CTNNA2: variants seen among roughly 807,000 people sequenced by gnomAD.
The protein encoded by CTNNA2 is catenin alpha 2.
CTNNA2 carries 42 observed loss-of-function variants against 101.0 expected under a neutral mutation model. The ratio of observed to expected loss-of-function variants is 0.42; its 90% CI spans 0.32 to 0.54. The LOEUF (loss-of-function observed/expected upper bound fraction) is 0.54, where lower values mean the gene tolerates loss of function less well. CTNNA2 is among the 20% of genes least tolerant of loss of function. CTNNA2 has a pLI of 0.14. For synonymous variants in CTNNA2, 450 were observed against 456.4 expected, an observed-to-expected ratio of 0.99 and a Z score of 0.18; for missense variants, 871 against 1,223.1, an observed-to-expected ratio of 0.71 and a Z score of 4.29.
chr2:80,387,089 C>T (rs1677078861), intron 7 of CTNNA2, among the ~76,000 whole-genome samples: 1 of 152,054 alleles, frequency 6.6e-6, no homozygotes, highest in African/African-American at 2.4e-5. Flanking sequence ...GAGATCAAGA[C>T]CATCTTGGCT....
At chr2:80,528,756 C>A (rs1359259194) in intron 9 of CTNNA2, among the ~76,000 whole-genome samples, 1 of 152,064 alleles carries the variant, frequency 6.6e-6, no homozygotes, top group African/African-American at 2.4e-5. Flanking sequence ...AAAGTAGACC[C>A]TTTGGGAGTT....
intron 2 of CTNNA2, among the ~76,000 whole-genome samples, chr2:79,294,894 A>G (rs1675938256): frequency 2.0e-5 from 3 of 151,856 alleles, no homozygotes; most frequent in Non-Finnish European, 4.4e-5. Flanking sequence ...ACTGATTTTG[A>G]TCTTATCTGC....
At chr2:79,811,098 G>A (rs201915914) in intron 3 of CTNNA2, among the ~76,000 whole-genome samples, 26,581 of 147,746 alleles carry the variant, frequency 0.18, 2,800 homozygotes, top group African/African-American at 0.3. Context: ...CTGAGGGATC[G>A]CCACACTGAC....
At chr2:79,865,971 G>C (rs1248570168) in intron 4 of CTNNA2, among the ~76,000 whole-genome samples, 4 of 152,114 alleles carry the variant, frequency 2.6e-5, no homozygotes, top group Non-Finnish European at 4.4e-5. Flanking sequence ...CGCCCGCCTC[G>C]GCCTCCCGAA....
chr2:80,321,309 G>A (rs890797573), intron 7 of CTNNA2, among the ~76,000 whole-genome samples: 6 of 152,276 alleles, frequency 3.9e-5, no homozygotes, highest in Admixed American at 6.5e-5. Flanking sequence ...ATTTTCTATC[G>A]TAGGGAGATG....
chr2:80,440,002 CAAAAT>C (rs1183652367), intron 9 of CTNNA2, among the ~76,000 whole-genome samples: 1 of 151,966 alleles, frequency 6.6e-6, no homozygotes, highest in East Asian at 1.9e-4. Context: ...AAACAATAGA[CAAAAT>C]AAATATATAA....
At chr2:79,523,196 C>T (rs1236216680) in intron 1 of CTNNA2, 4 of 401,118 alleles carry the variant, frequency 1.0e-5, no homozygotes, top group Non-Finnish European at 2.0e-5. Flanking sequence ...CAATTTTTGG[C>T]TGTCTACAGA....
intron 2 of CTNNA2, among the ~76,000 whole-genome samples, chr2:79,719,471 A>C (rs1686333769): frequency 6.6e-6 from 1 of 152,188 alleles, no homozygotes; most frequent in Non-Finnish European, 1.5e-5. Context: ...GGAAATCTCC[A>C]AACTGCTTTC....
intron 7 of CTNNA2, among the ~76,000 whole-genome samples, chr2:80,024,396 TGAG>T (rs879218718): frequency 3.3e-5 from 5 of 152,078 alleles, no homozygotes; most frequent in African/African-American, 1.2e-4. Flanking sequence ...CATTGAGTCT[TGAG>T]GAGGACAAGC....
intron 7 of CTNNA2, among the ~76,000 whole-genome samples, chr2:80,200,038 A>G (rs191271528): frequency 1.3e-5 from 2 of 152,302 alleles, no homozygotes; most frequent in East Asian, 1.9e-4. Context: ...ATACTTGGAG[A>G]CATTTGAAAC....
intron 7 of CTNNA2, among the ~76,000 whole-genome samples, chr2:79,991,977 G>A (rs1450469427): frequency 6.6e-6 from 1 of 152,002 alleles, no homozygotes; most frequent in Admixed American, 6.6e-5. Flanking sequence ...GGTAAAATTT[G>A]TTTTGTTTCT....
At chr2:79,457,163 C>G (rs931542852) in intron 4 of CTNNA2, among the ~76,000 whole-genome samples, 1 of 149,600 alleles carries the variant, frequency 6.7e-6, no homozygotes, top group African/African-American at 2.5e-5. Context: ...GATTGCACCA[C>G]TGCACTCCAG....
chr2:79,723,628 C>T lies in CTNNA2; in HGVS notation c.103-20759C>T, dbSNP rs559389244. Among the ~76,000 whole-genome samples, 3 of 152,202 alleles carry T rather than the reference C, an allele frequency of 2.0e-5. No individual in the cohort carries two copies. In the South Asian group the frequency reaches 6.2e-4, roughly 32 times the overall value. On this transcript the variant is annotated intron_variant, in intron 2 of 18. Coordinates refer to ENST00000402739, the MANE Select transcript of CTNNA2 (RefSeq NM_001282597.3). ...GTCATAATAGAATCTTAAGCATAATCGAATCAGTAAGCATTCTGAAACATG... is the reference window on the plus strand; with the variant it reads ...GTCATAATAGAATCTTAAGCATAATTGAATCAGTAAGCATTCTGAAACATG...
intron 4 of CTNNA2, among the ~76,000 whole-genome samples, chr2:79,432,306 G>A (rs879885930): frequency 1.3e-5 from 2 of 152,156 alleles, no homozygotes; most frequent in Non-Finnish European, 2.9e-5. Context: ...GTAACTCCAA[G>A]CAGTCAACTT....
intron 4 of CTNNA2, among the ~76,000 whole-genome samples, chr2:79,471,626 C>T (rs1671000258): frequency 6.6e-6 from 1 of 152,108 alleles, no homozygotes. Context: ...ATCACGAGAT[C>T]AGGAGATCGA....
At chr2:80,531,131 G>C (rs1248653946) in intron 9 of CTNNA2, among the ~76,000 whole-genome samples, 1 of 152,090 alleles carries the variant, frequency 6.6e-6, no homozygotes, top group Non-Finnish European at 1.5e-5. Flanking sequence ...TCTTTAGTCA[G>C]TTCCCTGGTG....
intron 3 of CTNNA2, among the ~76,000 whole-genome samples, chr2:79,829,486 C>G (rs1325503182): frequency 6.6e-6 from 1 of 151,042 alleles, no homozygotes; most frequent in East Asian, 2.0e-4. Context: ...AGGAGAATCG[C>G]TTGATCTCGG....
intron 7 of CTNNA2, among the ~76,000 whole-genome samples, chr2:80,272,051 T>C (rs1183035783): frequency 1.3e-5 from 2 of 152,214 alleles, no homozygotes; most frequent in Non-Finnish European, 2.9e-5. Context: ...GAAACAGAGC[T>C]TCTTAAATCC....
At chr2:80,545,513 T>A (rs751851934) in intron 10 of CTNNA2, among the ~76,000 whole-genome samples, 1 of 152,122 alleles carries the variant, frequency 6.6e-6, no homozygotes, top group Non-Finnish European at 1.5e-5. Context: ...GCCACTATAC[T>A]CTCCACTCCT....
Sources: allele counts gnomAD v4.1 joint callset (sites outside exome capture counted in the v4.1 genomes callset), GRCh38; gene constraint gnomAD v4.1.1; transcripts MANE v1.5; gene names NCBI Gene and HGNC (gene_info 2026-07-23, HGNC 2026-07-21).